RBFOX1: variants seen among roughly 807,000 people sequenced by gnomAD.
RBFOX1 encodes the protein RNA binding fox-1 homolog 1, also known as RNA binding protein fox-1 homolog 1.
In RBFOX1, 8 loss-of-function variants were observed where a neutral mutation model predicts 57.7. That is an observed-to-expected ratio of 0.14 (90% CI 0.08 to 0.25). The LOEUF is 0.25. Ranked by LOEUF, RBFOX1 falls within the 10% of genes least tolerant of loss-of-function variation. The pLI is 1.00. For missense variants in RBFOX1, 611 were observed against 548.5 expected, an observed-to-expected ratio of 1.11 and a Z score of -1.14; for synonymous variants, 326 against 222.4, an observed-to-expected ratio of 1.47 and a Z score of -4.15.
At chr16:5,896,500 G>A (rs898997168) in intron 4 of RBFOX1, among the ~76,000 whole-genome samples, 7 of 152,114 alleles carry the variant, frequency 4.6e-5, no homozygotes, top group Admixed American at 4.6e-4. Context: ...TCTCCTTTGC[G>A]TTCCAACATG....
At chr16:6,892,802 C>CTG (rs1244578043) in intron 3 of RBFOX1, among the ~76,000 whole-genome samples, 3 of 139,702 alleles carry the variant, frequency 2.1e-5, no homozygotes, top group African/African-American at 8.6e-5. Context: ...CTCTCTCTCT[C>CTG]TCTCTCTCTC....
intron 3 of RBFOX1, among the ~76,000 whole-genome samples, chr16:6,911,480 C>T (rs752405850): frequency 2.6e-5 from 4 of 152,100 alleles, no homozygotes; most frequent in African/African-American, 7.2e-5. Context: ...TCTGCCTTCA[C>T]CTGCATGTGT....
intron 4 of RBFOX1, among the ~76,000 whole-genome samples, chr16:5,896,160 G>T (rs977497328): frequency 6.6e-6 from 1 of 152,142 alleles, no homozygotes; most frequent in Non-Finnish European, 1.5e-5. Context: ...CCCAGGAAAG[G>T]CTGTGGAGCA....
chr16:5,800,370 A>G (rs963784779), intron 3 of RBFOX1, among the ~76,000 whole-genome samples: 1 of 152,140 alleles, frequency 6.6e-6, no homozygotes, highest in African/African-American at 2.4e-5. Context: ...TCAAGAGCAA[A>G]CCAGGGTGGG....
chr16:5,671,575 T>C (rs952597138), intron 3 of RBFOX1, among the ~76,000 whole-genome samples: 1 of 152,198 alleles, frequency 6.6e-6, no homozygotes, highest in African/African-American at 2.4e-5. Context: ...AACTGCCAAG[T>C]TTCTGGAGCA....
At position 6,452,491 on chromosome 16, in the gene RBFOX1, T is replaced by C. The variant is rs544829482; in HGVS notation, c.-64+135434T>C. On this transcript the variant is annotated intron_variant, in intron 2 of 15. Transcript: ENST00000550418. ...CCATCCTTCCATGACTCCAGTGCCATATTTTGTAGGCAAAAACTCATGGAG... is the reference window on the plus strand; with the variant it reads ...CCATCCTTCCATGACTCCAGTGCCACATTTTGTAGGCAAAAACTCATGGAG... Among the ~76,000 whole-genome samples, 209 of 152,294 alleles carry C rather than the reference T, an allele frequency of 1.4e-3. 1 individual carries two copies. The highest frequency in any genetic ancestry group is 4.8e-3 in the African/African-American group (199 of 41,566).
intron 1 of RBFOX1, among the ~76,000 whole-genome samples, chr16:5,320,093 T>G (rs1432969953): frequency 6.6e-6 from 1 of 152,132 alleles, no homozygotes; most frequent in Non-Finnish European, 1.5e-5. Context: ...TGTGTTCTCT[T>G]TTTGCCATAG....
intron 2 of RBFOX1, among the ~76,000 whole-genome samples, chr16:5,550,685 G>T (rs2045426296): frequency 6.6e-6 from 1 of 152,116 alleles, no homozygotes; most frequent in African/African-American, 2.4e-5. Context: ...AGCAGACAAA[G>T]CTCCCTGTCC....
At chr16:7,412,498 C>T (rs567260370) in intron 4 of RBFOX1, among the ~76,000 whole-genome samples, 4 of 151,182 alleles carry the variant, frequency 2.6e-5, no homozygotes, top group East Asian at 3.9e-4. Context: ...TTCTGTAAAT[C>T]GAAAAGTATG....
intron 5 of RBFOX1, chr16:7,519,855 T>G: frequency 2.3e-6 from 1 of 435,752 alleles, no homozygotes. Flanking sequence ...CCTCATTCAT[T>G]TGGAGGCTAG....
At chr16:6,288,261 T>A (rs725152) in intron 1 of RBFOX1, among the ~76,000 whole-genome samples, 32,673 of 152,104 alleles carry the variant, frequency 0.21, 4,575 homozygotes, top group African/African-American at 0.4. Context: ...GCGATGTTTA[T>A]CAAGTTATGT....
chr16:6,298,023 G>A (rs965187959), intron 1 of RBFOX1, among the ~76,000 whole-genome samples: 5 of 152,192 alleles, frequency 3.3e-5, no homozygotes, highest in South Asian at 4.1e-4. Context: ...GAAAGCTGTT[G>A]CACTGGTCCT....
chr16:6,548,749 C>G (rs1018502226), intron 2 of RBFOX1, among the ~76,000 whole-genome samples: 1 of 152,072 alleles, frequency 6.6e-6, no homozygotes, highest in Non-Finnish European at 1.5e-5. Context: ...TACCAGGCAT[C>G]GTTAGGTTTC....
intron 2 of RBFOX1, among the ~76,000 whole-genome samples, chr16:6,329,025 T>C (rs899962945): frequency 1.3e-5 from 2 of 152,202 alleles, no homozygotes; most frequent in Non-Finnish European, 2.9e-5. Flanking sequence ...TGGTTTGCTG[T>C]GTGGTAAACC....
At chr16:5,896,105 A>G (rs1473167738) in intron 4 of RBFOX1, among the ~76,000 whole-genome samples, 1 of 152,116 alleles carries the variant, frequency 6.6e-6, no homozygotes, top group African/African-American at 2.4e-5. Flanking sequence ...AGGGGACTAA[A>G]TTAGTATAAG....
intron 1 of RBFOX1, among the ~76,000 whole-genome samples, chr16:5,382,459 T>A (rs901780155): frequency 2.6e-5 from 4 of 152,180 alleles, no homozygotes; most frequent in African/African-American, 9.7e-5. Flanking sequence ...CCTTCTGGTA[T>A]CTACATATAA....
chr16:5,792,043 G>A (rs1383844725), intron 3 of RBFOX1, among the ~76,000 whole-genome samples: 1 of 152,168 alleles, frequency 6.6e-6, no homozygotes, highest in Non-Finnish European at 1.5e-5. Flanking sequence ...CCCTGCAGAA[G>A]TTGTGTCTTT....
At chr16:7,501,306 C>A (rs1373503493) in intron 4 of RBFOX1, among the ~76,000 whole-genome samples, 7 of 152,210 alleles carry the variant, frequency 4.6e-5, no homozygotes, top group African/African-American at 1.7e-4. Context: ...CTTAAATTAT[C>A]AGCTCTCTCT....
chr16:6,741,864 G>A (rs1295257091), intron 3 of RBFOX1, among the ~76,000 whole-genome samples: 2 of 152,112 alleles, frequency 1.3e-5, no homozygotes, highest in Non-Finnish European at 2.9e-5. Flanking sequence ...GTTTGTCAAA[G>A]CATACAAAGT....
Sources: allele counts gnomAD v4.1 joint callset (sites outside exome capture counted in the v4.1 genomes callset), GRCh38; gene constraint gnomAD v4.1.1; transcripts MANE v1.5; gene names NCBI Gene and HGNC (gene_info 2026-07-23, HGNC 2026-07-21).